Variants in LARGE1 observed in about 807,000 individuals in gnomAD.
LARGE1 encodes the protein xylosyl- and glucuronyltransferase LARGE1.
A neutral mutation model predicts 87.6 loss-of-function variants in LARGE1; 43 were observed. That is an observed-to-expected ratio of 0.49 (90% CI 0.38 to 0.63). The LOEUF (loss-of-function observed/expected upper bound fraction) is 0.63. Among genes scored for constraint, LARGE1 ranks in the 30% least tolerant of loss-of-function variants. The pLI, the probability that LARGE1 is intolerant of heterozygous loss-of-function variation, is 0.00. For synonymous variants in LARGE1, 434 were observed against 394.6 expected, an observed-to-expected ratio of 1.10 and a Z score of -1.18; for missense variants, 802 against 1,000.2, an observed-to-expected ratio of 0.80 and a Z score of 2.67.
At chr22:33,805,833 A>T (rs1246857124) in intron 1 of LARGE1, among the ~76,000 whole-genome samples, 1 of 152,192 alleles carries the variant, frequency 6.6e-6, no homozygotes, top group Non-Finnish European at 1.5e-5. Context: ...CTTCTCTTCC[A>T]ATTGTTTTCT....
At chr22:33,849,589 TCTC>T (rs1459779948) in intron 1 of LARGE1, among the ~76,000 whole-genome samples, 4 of 128,076 alleles carry the variant, frequency 3.1e-5, no homozygotes, top group East Asian at 2.1e-4. Flanking sequence ...TTTCTTTTCT[TCTC>T]TTTTTTTTTT....
chr22:33,426,332 TAATG>T (rs2066876927), intron 7 of LARGE1, among the ~76,000 whole-genome samples: 2 of 152,242 alleles, frequency 1.3e-5, no homozygotes, highest in African/African-American at 4.8e-5. Flanking sequence ...CAGTAGCATG[TAATG>T]AATGAATAAA....
intron 7 of LARGE1, among the ~76,000 whole-genome samples, chr22:33,417,553 C>G (rs1231534690): frequency 6.6e-6 from 1 of 152,206 alleles, no homozygotes; most frequent in East Asian, 1.9e-4. Flanking sequence ...GCAGCCATAA[C>G]AAAATACTTT....
chr22:33,817,081 C>T (rs563891626), intron 1 of LARGE1, among the ~76,000 whole-genome samples: 6 of 152,220 alleles, frequency 3.9e-5, no homozygotes, highest in South Asian at 4.2e-4. Context: ...CATGTGTATA[C>T]GTATATAGAC....
At chr22:33,738,795 A>C (rs886715950) in intron 2 of LARGE1, among the ~76,000 whole-genome samples, 7 of 151,440 alleles carry the variant, frequency 4.6e-5, no homozygotes, top group Admixed American at 2.0e-4. Flanking sequence ...CAGTAAGCCA[A>C]GATCACGCCA....
rs1004394227 is a variant in LARGE1, at chr22:33,314,162, G to A, written c.1451+1923C>T. On this transcript the variant is annotated intron_variant, in intron 11 of 14. Transcript: ENST00000397394. ...CAGGTCAAGCATGGACCTGGTGCTA[G>A]AGCCTCCATGCTTGTCCCTTGCTCT... Among the ~76,000 whole-genome samples the A allele has an allele frequency of 3.3e-5, 5 of 152,202 alleles. 1 individual carries two copies. The South Asian group carries it at 8.3e-4, about 25-fold the overall frequency.
chr22:33,754,819 T>G (rs747038951), intron 2 of LARGE1, among the ~76,000 whole-genome samples: 3 of 152,182 alleles, frequency 2.0e-5, no homozygotes, highest in Non-Finnish European at 4.4e-5. Context: ...AGCCTAGACT[T>G]GGGGGATACT....
chr22:33,841,543 A>G (rs1038427588), intron 1 of LARGE1, among the ~76,000 whole-genome samples: 12 of 152,214 alleles, frequency 7.9e-5, no homozygotes, highest in Non-Finnish European at 1.6e-4. Context: ...CTCTGAGTTC[A>G]AGGCCAGTGG....
chr22:33,690,678 A>G (rs2082074930), intron 2 of LARGE1, among the ~76,000 whole-genome samples: 1 of 152,130 alleles, frequency 6.6e-6, no homozygotes, highest in Non-Finnish European at 1.5e-5. Context: ...AGGAAAAAAA[A>G]AAAAAAAGGA....
At chr22:33,553,109 A>G (rs2077577380) in intron 6 of LARGE1, among the ~76,000 whole-genome samples, 1 of 152,058 alleles carries the variant, frequency 6.6e-6, no homozygotes, top group Admixed American at 6.5e-5. Context: ...ATTTTTGGAA[A>G]TGTGTTTACT....
chr22:33,390,823 A>G (rs2065491617), intron 7 of LARGE1, among the ~76,000 whole-genome samples: 1 of 151,830 alleles, frequency 6.6e-6, no homozygotes, highest in Non-Finnish European at 1.5e-5. Flanking sequence ...CCTCCTGAGT[A>G]AGTAGGACCA....
chr22:33,713,644 T>C (rs535218373), intron 2 of LARGE1, among the ~76,000 whole-genome samples: 10 of 152,170 alleles, frequency 6.6e-5, no homozygotes, highest in African/African-American at 2.4e-4. Flanking sequence ...TCTTCTTCCT[T>C]GATATTCAGC....
At chr22:33,685,159 G>A (rs1033198882) in intron 2 of LARGE1, among the ~76,000 whole-genome samples, 1 of 152,198 alleles carries the variant, frequency 6.6e-6, no homozygotes, top group Non-Finnish European at 1.5e-5. Flanking sequence ...CCCTGGAGAT[G>A]AGAAGAGGGT....
intron 1 of LARGE1, among the ~76,000 whole-genome samples, chr22:33,783,150 C>T (rs1024254137): frequency 2.0e-5 from 3 of 151,994 alleles, no homozygotes; most frequent in Admixed American, 6.6e-5. Flanking sequence ...CCTATCACAG[C>T]ACTTAGCAAA....
In LARGE1 at chr22:33,453,040, G is replaced by A. The variant is rs374634746; in HGVS notation, c.788-20775C>T. The stretch of plus-strand genomic sequence containing the variant: ...CCTGGCCTGCCCTCCAGCTTTCCCA[G>A]AAGGAAACTGAATAGACAGAGACAA... On this transcript the variant is annotated intron_variant, in intron 6 of 14. Transcript: ENST00000397394. Among the ~76,000 whole-genome samples the A allele has an allele frequency of 5.9e-5, 9 of 152,290 alleles. 1 individual carries two copies. The highest frequency in any genetic ancestry group is 1.7e-4 in the African/African-American group (7 of 41,578).
intron 6 of LARGE1, among the ~76,000 whole-genome samples, chr22:33,471,294 T>C (rs1452682912): frequency 1.3e-5 from 2 of 152,124 alleles, no homozygotes; most frequent in Non-Finnish European, 2.9e-5. Context: ...TCTACCCACC[T>C]TGGCCTCCCA....
At chr22:33,651,645 G>A (rs1258143222) in intron 2 of LARGE1, among the ~76,000 whole-genome samples, 2 of 152,130 alleles carry the variant, frequency 1.3e-5, no homozygotes, top group Non-Finnish European at 2.9e-5. Context: ...TGAAGACTGG[G>A]AGTTCAATGT....
chr22:33,850,713 G>C (rs571604290), intron 1 of LARGE1, among the ~76,000 whole-genome samples: 1 of 152,048 alleles, frequency 6.6e-6, no homozygotes, highest in East Asian at 1.9e-4. Flanking sequence ...TTAAATCCTT[G>C]AACAACCAAG....
At chr22:33,542,637 T>G (rs2148650412) in intron 6 of LARGE1, among the ~76,000 whole-genome samples, 1 of 150,860 alleles carries the variant, frequency 6.6e-6, no homozygotes, top group Non-Finnish European at 1.5e-5. Context: ...GGAAGATAAA[T>G]GTAGGGTATG....
Sources: allele counts gnomAD v4.1 joint callset (sites outside exome capture counted in the v4.1 genomes callset), GRCh38; gene constraint gnomAD v4.1.1; transcripts MANE v1.5; gene names NCBI Gene and HGNC (gene_info 2026-07-23, HGNC 2026-07-21).